EEFSEC: variants seen among roughly 807,000 people sequenced by gnomAD.
EEFSEC encodes the protein selenocysteine-specific elongation factor.
A neutral mutation model predicts 42.1 loss-of-function variants in EEFSEC; 43 were observed. The ratio of observed to expected loss-of-function variants is 1.02; its 90% confidence interval spans 0.80 to 1.32. The LOEUF (loss-of-function observed/expected upper bound fraction) is 1.32. EEFSEC is among the 40% of genes most tolerant of loss of function. The probability of loss-of-function intolerance (pLI) is 0.00; values close to 1 mark genes in which losing one functional copy is unlikely to be tolerated. For synonymous variants in EEFSEC, 354 were observed against 339.1 expected (o/e 1.04, Z -0.48); for missense variants, 745 against 803.6 (o/e 0.93, Z 0.88).
Position 128,358,264 on chromosome 3 carries a change from A to T in EEFSEC, c.1491A>T (p.Glu497Asp). 1 of 1,614,156 alleles carries T rather than the reference A, an allele frequency of 6.2e-7. No homozygotes were observed. Among genetic ancestry groups the T allele is most frequent in the Non-Finnish European group, 8.5e-7 (1 of 1,180,018 alleles). ...TCGGCCGCTCCCTGTTCAAAAAGGA[A>T]ACCAACATCCAGCTCTTCGTGGGGC... ...SVIGRSLFKKETNIQLFVGLK... is the reference protein window; with the variant it reads ...SVIGRSLFKKDTNIQLFVGLK... The change falls in exon 6 of 7, where the codon GAA (glutamate) becomes GAT (aspartate). Residue 497 changes from glutamate to aspartate, a missense_variant. Physicochemically the swap from Glu to Asp is conservative, Grantham distance 45. Transcript: ENST00000254730.
chr3:128,216,871 G>A (rs958708826), intron 1 of EEFSEC, among the ~76,000 whole-genome samples: 3 of 152,110 alleles, frequency 2.0e-5, no homozygotes, highest in Non-Finnish European at 4.4e-5. Flanking sequence ...GGCAGGGACA[G>A]TCTTTGTTCC....
intron 1 of EEFSEC, among the ~76,000 whole-genome samples, chr3:128,172,884 TTAGCCCTG>T (rs1356525910): frequency 6.6e-6 from 1 of 152,234 alleles, no homozygotes; most frequent in Non-Finnish European, 1.5e-5. Context: ...GTTCCGAGGC[TTAGCCCTG>T]TATGAAATCA....
chr3:128,210,165 G>A (rs1183624906), intron 1 of EEFSEC, among the ~76,000 whole-genome samples: 1 of 152,220 alleles, frequency 6.6e-6, no homozygotes, highest in Non-Finnish European at 1.5e-5. Flanking sequence ...TAGAATGGTA[G>A]GAGAAACTGT....
chr3:128,380,158 C>T (rs2067757866), intron 6 of EEFSEC, among the ~76,000 whole-genome samples: 1 of 152,210 alleles, frequency 6.6e-6, no homozygotes, highest in Non-Finnish European at 1.5e-5. Context: ...TGATGACTGC[C>T]TGAGGTGGGC....
At position 128,335,447 on chromosome 3, in the gene EEFSEC, T is replaced by G. The variant is rs537849385; in HGVS notation, c.787-5786T>G. On this transcript the variant is annotated intron_variant, in intron 4 of 6. Coordinates refer to ENST00000254730, the MANE Select transcript of EEFSEC (RefSeq NM_021937.5). ...AAGTGAGGAAGAGAGGAACTGCAGG[T>G]GCAGAGGCCATGAGGTGGGAGCATG... 1.1e-4 allele frequency among the ~76,000 whole-genome samples: 16 copies of G among 152,182 alleles called. No individual in the cohort carries two copies. The South Asian group carries it at 3.1e-3, about 30-fold the overall frequency.
intron 6 of EEFSEC, among the ~76,000 whole-genome samples, chr3:128,365,909 CA>C (rs2067584662): frequency 6.6e-6 from 1 of 152,234 alleles, no homozygotes; most frequent in South Asian, 2.1e-4. Context: ...CGCTTTGCCT[CA>C]GCCGTTGGAT....
chr3:128,306,200 A>C (rs2066824999), intron 4 of EEFSEC, among the ~76,000 whole-genome samples: 1 of 152,168 alleles, frequency 6.6e-6, no homozygotes, highest in Non-Finnish European at 1.5e-5. Flanking sequence ...AAATGATCCA[A>C]CGGCTTTTAA....
intron 1 of EEFSEC, among the ~76,000 whole-genome samples, chr3:128,199,052 C>T (rs2065616953): frequency 6.6e-6 from 1 of 152,092 alleles, no homozygotes; most frequent in Non-Finnish European, 1.5e-5. Context: ...GGCTGGTCTC[C>T]ATCTCCTGAC....
At chr3:128,424,895 C>G in the EEFSEC span, among the ~76,000 whole-genome samples, 1 of 152,022 alleles carries the variant, frequency 6.6e-6, no homozygotes, top group Non-Finnish European at 1.5e-5. Context: ...TTCTAAAGCT[C>G]GTTCAGTCTA....
intron 6 of EEFSEC, among the ~76,000 whole-genome samples, chr3:128,384,073 T>C (rs1481215653): frequency 6.6e-6 from 1 of 152,190 alleles, no homozygotes; most frequent in African/African-American, 2.4e-5. Flanking sequence ...TTTTTGATCT[T>C]TGTGAAAGTG....
rs1431332970 is a variant in EEFSEC at position 128,341,377 on chromosome 3, A to G, written c.931A>G (p.Thr311Ala). 4 of 1,614,000 alleles carry G rather than the reference A, an allele frequency of 2.5e-6. No individual in the cohort carries two copies. Among genetic ancestry groups the G allele is most frequent in the Non-Finnish European group, 3.4e-6 (4 of 1,179,988 alleles). ...GLVCAPESLH[T>A]VHAALISVEK... The stretch of plus-strand genomic sequence containing the variant: ...GGTGTGTGCCCCCGAGTCCCTGCAC[A>G]CTGTCCATGCGGCCCTCATCTCTGT... The change falls in exon 5 of 7, where the codon ACT (threonine) becomes GCT (alanine). Residue 311 changes from threonine to alanine, a missense_variant. Coordinates refer to ENST00000254730, the MANE Select transcript of EEFSEC (RefSeq NM_021937.5).
rs572760080 is a variant in EEFSEC at position 128,293,996 on chromosome 3, G to A, written c.786+29215G>A. On this transcript the variant is annotated intron_variant, in intron 4 of 6. Transcript: ENST00000254730. ...AGGTGGCTGCTTCTCCCCTTTGGAC[G>A]GTAGTCAGAGGCACTTGTTCTATTC... is the stretch of plus-strand genomic sequence containing the variant. 2.8e-4 allele frequency among the ~76,000 whole-genome samples: 43 copies of A among 152,342 alleles called. 1 individual carries two copies. Among genetic ancestry groups the A allele is most frequent in the African/African-American group, 8.2e-4 (34 of 41,576 alleles).
At chr3:128,222,964 G>T (rs923678231) in intron 1 of EEFSEC, among the ~76,000 whole-genome samples, 1 of 152,230 alleles carries the variant, frequency 6.6e-6, no homozygotes, top group Admixed American at 6.5e-5. Context: ...TCAAGATGGG[G>T]ACTGGTCATG....
chr3:128,197,437 A>AT (rs2065596720), intron 1 of EEFSEC, among the ~76,000 whole-genome samples: 2 of 151,946 alleles, frequency 1.3e-5, no homozygotes, highest in South Asian at 4.2e-4. Context: ...CGCCCAGCTA[A>AT]TTTTTTTGTA....
chr3:128,176,890 C>G (rs1370314337), intron 1 of EEFSEC, among the ~76,000 whole-genome samples: 1 of 152,000 alleles, frequency 6.6e-6, no homozygotes, highest in Non-Finnish European at 1.5e-5. Context: ...AATAAAGACT[C>G]CCGGCCTCAC....
chr3:128,290,757 T>C (rs114082172), intron 4 of EEFSEC, among the ~76,000 whole-genome samples: 1,710 of 152,230 alleles, frequency 0.011, 23 homozygotes, highest in African/African-American at 0.039. Context: ...GTTTGTTTGT[T>C]TGTTTTTTGA....
intron 2 of EEFSEC, among the ~76,000 whole-genome samples, chr3:128,255,563 G>A (rs947125046): frequency 3.9e-5 from 6 of 152,208 alleles, no homozygotes; most frequent in African/African-American, 1.4e-4. Context: ...TATTCATTGT[G>A]CACGTTCCGT....
chr3:128,390,795 T>A (rs2067903460), intron 6 of EEFSEC, among the ~76,000 whole-genome samples: 1 of 152,094 alleles, frequency 6.6e-6, no homozygotes, highest in Admixed American at 6.5e-5. Context: ...AAACACACCC[T>A]CATACCCCAT....
intron 4 of EEFSEC, among the ~76,000 whole-genome samples, chr3:128,312,475 A>AG (rs1476974495): frequency 6.6e-6 from 1 of 152,238 alleles, no homozygotes; most frequent in Non-Finnish European, 1.5e-5. Flanking sequence ...GCGCTGGAAT[A>AG]GGGGAGCCTT....
Sources: allele counts gnomAD v4.1 joint callset (sites outside exome capture counted in the v4.1 genomes callset), GRCh38; gene constraint gnomAD v4.1.1; transcripts MANE v1.5; gene names NCBI Gene and HGNC (gene_info 2026-07-23, HGNC 2026-07-21).